ABCC8: variants seen among roughly 807,000 people sequenced by gnomAD.
The protein encoded by ABCC8 is ATP-binding cassette sub-family C member 8.
ABCC8 carries 137 observed loss-of-function variants against 188.0 expected under a neutral mutation model. The ratio of observed to expected loss-of-function variants is 0.73; its 90% CI spans 0.63 to 0.84. ABCC8 has a LOEUF of 0.84. ABCC8 is among the 40% of genes least tolerant of loss of function. The probability of loss-of-function intolerance (pLI) is 0.00; values close to 1 mark genes in which losing one functional copy is unlikely to be tolerated. For missense variants in ABCC8, 1,750 were observed against 2,072.7 expected (o/e 0.84, Z 3.02); for synonymous variants, 797 against 846.5 (o/e 0.94, Z 1.01).
chr11:17,397,652 C>A, intron 31 of ABCC8, 32 bp downstream of exon 31: 1 of 1,604,838 alleles, frequency 6.2e-7, no homozygotes, highest in African/African-American at 1.3e-5. Flanking sequence ...TGGTGTCTGA[C>A]CCCTCCTCTG....
Position 17,394,280 on chromosome 11 carries a change from T to C in ABCC8, c.4531A>G (p.Ile1511Val). 1.2e-6 allele frequency: 2 copies of C among 1,613,918 alleles called. No homozygotes were observed. Among genetic ancestry groups the C allele is most frequent in the Non-Finnish European group, 1.7e-6 (2 of 1,180,012 alleles). Residue 1511 changes from isoleucine (I) to valine (V), a missense_variant, in exon 37 of 39, where the codon ATT (isoleucine) becomes GTT (valine). By Grantham distance (29) the Ile-to-Val change is conservative. Transcript: ENST00000389817. The stretch of plus-strand genomic sequence containing the variant: ...CCAGGACCAACCGTGGCCATGTCAA[T>C]GGAAGCCGTGGCCTCGTCCATGATG... The part of the protein sequence containing the change: ...IFIMDEATAS[I>V]DMATENILQK...
chr11:17,399,894 C>T (rs1954148846), intron 29 of ABCC8, among the ~76,000 whole-genome samples: 1 of 152,212 alleles, frequency 6.6e-6, no homozygotes, highest in African/African-American at 2.4e-5. Flanking sequence ...GCGCATGGAC[C>T]TGCCTCCTTT....
In ABCC8 at chr11:17,442,772, G is replaced by A. The variant is rs1374670920; in HGVS notation, c.1578C>T (p.Arg526=). ...NIFRTRVETT[R]RKEMTSLRAF... is the part of the protein sequence containing the mutation. ...CCCTGAGGCTGGTCATCTCCTTCCT[G>A]CGGGTCGTCTCCACCCGCGTGCGGA... Residue 526 remains arginine (R), a synonymous_variant, in exon 10 of 39, where the codon CGC becomes CGT. Transcript: ENST00000389817. The A allele has an allele frequency of 6.2e-7, 1 of 1,614,014 alleles. No homozygotes were observed. The highest frequency in any genetic ancestry group is 8.5e-7 in the Non-Finnish European group (1 of 1,180,042).
chr11:17,443,449 G>T, intron 8 of ABCC8, 137 bp from the exon 9 acceptor site: 1 of 1,443,172 alleles, frequency 6.9e-7, no homozygotes, highest in Non-Finnish European at 9.5e-7. Context: ...ATCTTGGGGA[G>T]TGGAGTGCAG....
At chr11:17,455,233 C>T (rs1002801165) in intron 6 of ABCC8, among the ~76,000 whole-genome samples, 1 of 152,118 alleles carries the variant, frequency 6.6e-6, no homozygotes, top group African/African-American at 2.4e-5. Flanking sequence ...GCATCCAAGA[C>T]CACTGATTCT....
At chr11:17,450,254 TTCTTTCTC>T (rs1422231051) in intron 7 of ABCC8, among the ~76,000 whole-genome samples, 1 of 62,906 alleles carries the variant, frequency 1.6e-5, no homozygotes, top group African/African-American at 6.7e-5. Context: ...TTTTCTTTCT[TTCTTTCTC>T]TTTCTTTCTT....
At chr11:17,444,085 T>C (rs984590863) in intron 8 of ABCC8, among the ~76,000 whole-genome samples, 3 of 152,120 alleles carry the variant, frequency 2.0e-5, no homozygotes, top group African/African-American at 7.2e-5. Context: ...CTACACCAGA[T>C]TGGCATTAAG....
At chr11:17,401,890 C>T (rs1441273498) in intron 29 of ABCC8, among the ~76,000 whole-genome samples, 2 of 152,204 alleles carry the variant, frequency 1.3e-5, no homozygotes, top group South Asian at 2.1e-4. Flanking sequence ...CTGGTGAACT[C>T]CTGCCCCTCC....
intron 3 of ABCC8, among the ~76,000 whole-genome samples, chr11:17,465,864 G>A (rs1340805883): frequency 6.6e-6 from 1 of 152,042 alleles, no homozygotes; most frequent in Non-Finnish European, 1.5e-5. Flanking sequence ...TCTCCTCCAA[G>A]CTGGTCTCCA....
intron 4 of ABCC8, among the ~76,000 whole-genome samples, chr11:17,462,289 G>A (rs1957222823): frequency 6.6e-6 from 1 of 152,208 alleles, no homozygotes; most frequent in Non-Finnish European, 1.5e-5. Context: ...TTGCATCACA[G>A]GGTTCCTGTG....
At chr11:17,472,318 T>C (rs1447935723) in intron 2 of ABCC8, among the ~76,000 whole-genome samples, 4 of 152,224 alleles carry the variant, frequency 2.6e-5, no homozygotes, top group Non-Finnish European at 5.9e-5. Flanking sequence ...GAAAATATTG[T>C]AGTTATTAAA....
chr11:17,437,311 C>G (rs976850528), intron 10 of ABCC8, among the ~76,000 whole-genome samples: 1 of 152,134 alleles, frequency 6.6e-6, no homozygotes, highest in Non-Finnish European at 1.5e-5. Context: ...CCTGGCTTTG[C>G]CCAAGGAATG....
chr11:17,457,835 C>T (rs1957050199), intron 6 of ABCC8, among the ~76,000 whole-genome samples: 1 of 152,216 alleles, frequency 6.6e-6, no homozygotes, highest in Admixed American at 6.5e-5. Flanking sequence ...GATGAATAAA[C>T]CACAGGTGCC....
intron 16 of ABCC8, among the ~76,000 whole-genome samples, chr11:17,422,912 C>A (rs1955409516): frequency 6.6e-6 from 1 of 152,084 alleles, no homozygotes; most frequent in Admixed American, 6.5e-5. Flanking sequence ...GACCACCTCC[C>A]TTTCCCATCC....
chr11:17,443,032 A>G, intron 9 of ABCC8, 146 bp downstream of exon 9: 3 of 1,514,864 alleles, frequency 2.0e-6, no homozygotes, highest in Non-Finnish European at 2.7e-6. Context: ...TTTCCCAGAC[A>G]AAGAAGCTGA....
intron 3 of ABCC8, chr11:17,465,587 G>A (rs1310931319): frequency 6.6e-6 from 1 of 152,266 alleles, no homozygotes; most frequent in Non-Finnish European, 1.5e-5. Context: ...CCTGATGAGA[G>A]AAGAGGGAAA....
chr11:17,432,298 T>C (rs1271377008), intron 10 of ABCC8, 54 bp from the exon 11 acceptor site: 5 of 1,551,572 alleles, frequency 3.2e-6, no homozygotes, highest in Non-Finnish European at 4.4e-6. Context: ...CAGCTACACA[T>C]GGAGATGCCC....
Position 17,445,986 on chromosome 11 carries a change from G to A in ABCC8, c.1332+2530C>T, listed in dbSNP as rs11024291. Among the ~76,000 whole-genome samples, 2 of 116,964 alleles carry A rather than the reference G, an allele frequency of 1.7e-5. 1 individual carries two copies. The highest frequency in any genetic ancestry group is 1.9e-4 in the Admixed American group (2 of 10,710). 76.7% of individuals were successfully genotyped at this position (116,964 alleles called of 152,430 possible). On this transcript the variant is annotated intron_variant, in intron 8 of 38. Coordinates refer to ENST00000389817, the MANE Select transcript of ABCC8 (RefSeq NM_000352.6). The stretch of plus-strand genomic sequence containing the variant: ...GATTTCTTTTTTTTTTTTTTTTTTA[G>A]ACCGAGTCTCGCTCTGTTACCCAGG...
At chr11:17,458,996 A>G (rs780623059) in intron 6 of ABCC8, among the ~76,000 whole-genome samples, 4 of 152,196 alleles carry the variant, frequency 2.6e-5, no homozygotes, top group Non-Finnish European at 5.9e-5. Context: ...TGATGGCTTG[A>G]TAATAATAGT....
Sources: gnomAD v4.1 joint callset for allele counts (sites outside exome capture counted in the v4.1 genomes callset) on GRCh38, gnomAD v4.1.1 for gene constraint, MANE v1.5 for transcripts, NCBI Gene and HGNC (gene_info 2026-07-23, HGNC 2026-07-21) for gene names.